The following ZNF479 variants were observed in gnomAD, a reference collection of about 807,000 sequenced individuals.
ZNF479 encodes the protein zinc finger protein 479.
Under a neutral mutation model 14.7 loss-of-function variants are expected in ZNF479, and 15 were observed. The observed-to-expected ratio is 1.02, with a 90% CI of 0.68 to 1.57. The LOEUF is 1.57. ZNF479 is among the 40% of genes most tolerant of loss of function. The pLI, the probability that ZNF479 is intolerant of heterozygous loss-of-function variation, is 0.00. For missense variants in ZNF479, 506 were observed against 615.1 expected (o/e 0.82, Z 1.88); for synonymous variants, 145 against 211.5 (o/e 0.69, Z 2.73).
upstream of ZNF479, among the ~76,000 whole-genome samples, chr7:57,133,125 C>A (rs1457820659): frequency 6.6e-6 from 1 of 152,024 alleles, no homozygotes; most frequent in Non-Finnish European, 1.5e-5. Context: ...CACAGAGAGA[C>A]TTCCTCTGAA....
rs782336026 is a variant in ZNF479, at chr7:57,119,879, C to G, written c.1536G>C (p.Lys512Asn). Residue 512 changes from lysine to asparagine, a missense_variant, in exon 4 of 4, where the codon AAG becomes AAC. Physicochemically the swap from Lys to Asn is moderately conservative, Grantham distance 94 (BLOSUM62 0). Around this residue, in one of 3 missense-constraint regions of ZNF479, gnomAD observed 72 missense variants for 97.6 expected, o/e 0.74. Transcript: ENST00000319636. ...FKWHSSLAKH[K>N]IIHTGEKPYK... ...AGGGTTTCTCTCCAGTGTGAATTATCTTATGTTTAGCAAGACTTGAATGCC... is the reference window on the plus strand; with the variant it reads ...AGGGTTTCTCTCCAGTGTGAATTATGTTATGTTTAGCAAGACTTGAATGCC... The G allele has an allele frequency of 2.5e-6, 4 of 1,613,472 alleles. No homozygotes were observed. The highest frequency in any genetic ancestry group is 3.4e-6 in the Non-Finnish European group (4 of 1,179,666).
Position 57,126,490 on chromosome 7 carries a change from T to C in ZNF479, c.166+102A>G, listed in dbSNP as rs1786172519. 4.5e-6 allele frequency: 5 copies of C among 1,101,628 alleles called. No homozygotes were observed. In the East Asian group the frequency reaches 7.2e-5, roughly 16 times the overall value. 68.2% of individuals were successfully genotyped at this position (1,101,628 alleles called of 1,614,324 possible). A position where few individuals can be genotyped will look rare whatever the true frequency, so the allele number is the denominator to read the frequency against. ...ATGAATCCCCAAGATTTTCTTAAAA[T>C]TGGAGATCTAAAATTCATTCATGCA... On this transcript the variant is annotated intron_variant, in intron 2 of 3. Transcript: ENST00000319636.
Position 57,119,314 on chromosome 7 carries a change from T to C in ZNF479, c.*526A>G, listed in dbSNP as rs1554399573. ...GCCTGAGATGTGCTTAAAGGTTTTG[T>C]CACTTTTTTTATGTTTCTAGGGTCT... is the stretch of plus-strand genomic sequence containing the variant. On this transcript the variant is annotated 3_prime_UTR_variant, in exon 4 of 4. Transcript: ENST00000319636. Among the ~76,000 whole-genome samples the C allele has an allele frequency of 1.3e-5, 2 of 152,210 alleles. No homozygotes were observed. Among genetic ancestry groups the C allele is most frequent in the African/African-American group, 4.8e-5 (2 of 41,452 alleles).
At position 57,119,036 on chromosome 7, in the gene ZNF479, G is replaced by A. The variant is rs1311846565; in HGVS notation, c.*804C>T. 7.2e-5 allele frequency among the ~76,000 whole-genome samples: 11 copies of A among 152,140 alleles called. No homozygotes were observed. The highest frequency in any genetic ancestry group is 1.3e-4 in the Non-Finnish European group (9 of 68,030). On this transcript the variant is annotated 3_prime_UTR_variant, in exon 4 of 4. Transcript: ENST00000319636. The stretch of plus-strand genomic sequence containing the variant: ...CAGTATAAAATTTTTTAGTGAGTAA[G>A]CATGGAGAACCAGTTAAAGGGTTTG...
At chr7:57,135,973 ATCTCTCTCTCTCTCTCTCTC>A (rs57853604), upstream of ZNF479, among the ~76,000 whole-genome samples, 4 of 125,318 alleles carry the variant, frequency 3.2e-5, no homozygotes, top group East Asian at 2.3e-4. Context: ...CTCTCTCTCA[ATCTCTCTCTCTCTCTCTCTC>A]TCTCTCTCTC....
intron 3 of ZNF479, among the ~76,000 whole-genome samples, chr7:57,124,069 G>A (rs1450977480): frequency 6.6e-6 from 1 of 152,030 alleles, no homozygotes; most frequent in Non-Finnish European, 1.5e-5. Flanking sequence ...AACCCACAGT[G>A]GTGAACAAAT....
chr7:57,120,982 C>G lies in ZNF479; in HGVS notation c.433G>C (p.Val145Leu). Residue 145 changes from valine (V) to leucine (L), a missense_variant, in exon 4 of 4, where the codon GTT (valine) becomes CTT (leucine). Val to Leu is a conservative substitution (Grantham distance 32). Coordinates refer to ENST00000319636, the MANE Select transcript of ZNF479 (RefSeq NM_001370129.2). ...TGGGTAGTTGACAAACATTGGTTAA[C>G]TTCACTATAACCTCCCTTGTGCACC... is the stretch of plus-strand genomic sequence containing the variant. ...YEVHKGGYSE[V>L]NQCLSTTQNK... 13 of 1,614,096 alleles carry G rather than the reference C, an allele frequency of 8.1e-6. No homozygotes were observed. Among genetic ancestry groups the G allele is most frequent in the Admixed American group, 1.7e-5 (1 of 59,994 alleles).
rs1404931725 is a variant in ZNF479 at position 57,120,265 on chromosome 7, C to T, written c.1150G>A (p.Glu384Lys). Residue 384 changes from glutamate (E) to lysine (K), a missense_variant, in exon 4 of 4, where the codon GAA (glutamate) becomes AAA (lysine). This residue lies in a region of ZNF479 where 420 missense variants were observed against 474.2 expected (regional missense o/e 0.89). Transcript: ENST00000319636. ...IHTGEKPYTC[E>K]ECGQDFRRSS... ...CGCCTAAAGTCTTGGCCACATTCTT[C>T]ACATGTGTAGGGTTTCTCTCCAGTA... 1.2e-6 allele frequency: 2 copies of T among 1,612,690 alleles called. No homozygotes were observed. Among genetic ancestry groups the T allele is most frequent in the Non-Finnish European group, 1.7e-6 (2 of 1,179,636 alleles).
rs1265087976 is a variant in ZNF479, at chr7:57,121,060, C to T, written c.355G>A (p.Gly119Arg). ...KVIPRTYGKC[G>R]HEKLQFKKCC... The stretch of plus-strand genomic sequence containing the variant: ...TTTTTAAATTGTAATTTCTCATGTC[C>T]ACATTTTCCATATGTTCTTGGTATT... The change falls in exon 4 of 4, where the codon GGA (glycine) becomes AGA (arginine). Residue 119 changes from glycine (G) to arginine (R), a missense_variant. Transcript: ENST00000319636. 2.5e-6 allele frequency: 4 copies of T among 1,613,772 alleles called. No individual in the cohort carries two copies. Among genetic ancestry groups the T allele is most frequent in the Non-Finnish European group, 3.4e-6 (4 of 1,179,890 alleles).
Position 57,120,326 on chromosome 7 carries a change from G to A in ZNF479, c.1089C>T (p.Ser363=), listed in dbSNP as rs1196084068. The A allele has an allele frequency of 6.2e-7, 1 of 1,609,626 alleles. No homozygotes were observed. Among genetic ancestry groups the A allele is most frequent in the South Asian group, 1.1e-5 (1 of 90,820 alleles). ...YACEECGQAF[S]LSSNLMRHRR... ...TATGTCTCATAAGGTTCGAGGATAA[G>A]CTAAAGGCTTGGCCACATTCTTCAC... The change falls in exon 4 of 4, where the codon AGC becomes AGT. Residue 363 remains serine (S), a synonymous_variant. Transcript: ENST00000319636.
At position 57,120,342 on chromosome 7, in the gene ZNF479, C is replaced by T. The variant is rs1785862196; in HGVS notation, c.1073G>A (p.Cys358Tyr). The change falls in exon 4 of 4, where the codon TGT (cysteine) becomes TAT (tyrosine). Residue 358 changes from cysteine to tyrosine, a missense_variant. Transcript: ENST00000319636. The stretch of plus-strand genomic sequence containing the variant: ...CGAGGATAAGCTAAAGGCTTGGCCA[C>T]ATTCTTCACAGGCATAGGGTTTCTC... ...TREKPYACEE[C>Y]GQAFSLSSNL... 1 of 1,612,426 alleles carries T rather than the reference C, an allele frequency of 6.2e-7. No homozygotes were observed. Among genetic ancestry groups the T allele is most frequent in the Non-Finnish European group, 8.5e-7 (1 of 1,178,972 alleles).
chr7:57,125,913 C>G (rs1296238361), intron 3 of ZNF479, 105 bp downstream of exon 3: 3 of 1,470,924 alleles, frequency 2.0e-6, no homozygotes, highest in Non-Finnish European at 2.8e-6. Context: ...CTCAGAAACT[C>G]TTTTCATCAA....
In ZNF479 at chr7:57,120,698, T is replaced by C; in HGVS notation, c.717A>G (p.Lys239=). ...TGCCACATTCCTCACATCTATATGG[T>C]TTCTCTCCAGTATGAATTATTTTAT... is the stretch of plus-strand genomic sequence containing the variant. ...TTHKIIHTGE[K]PYRCEECGKA... The change falls in exon 4 of 4, where the codon AAA becomes AAG. Residue 239 remains lysine (K), a synonymous_variant. Transcript: ENST00000319636. The C allele has an allele frequency of 2.5e-6, 4 of 1,613,098 alleles. No individual in the cohort carries two copies. The highest frequency in any genetic ancestry group is 3.4e-6 in the Non-Finnish European group (4 of 1,179,620).
At chr7:57,130,195 G>A (rs553897954) in intron 1 of ZNF479, among the ~76,000 whole-genome samples, 8 of 152,258 alleles carry the variant, frequency 5.3e-5, no homozygotes, top group Non-Finnish European at 8.8e-5. Flanking sequence ...AATGGGCCAC[G>A]CATGTGCTGT....
At chr7:57,132,685 G>A (rs1583947568), upstream of ZNF479, among the ~76,000 whole-genome samples, 3 of 152,142 alleles carry the variant, frequency 2.0e-5, no homozygotes, top group East Asian at 5.8e-4. Context: ...TTAACCTTGT[G>A]TATAATGTCA....
rs1442342836 is a variant in ZNF479, at chr7:57,132,219, A to T, written c.39+67T>A. The T allele has an allele frequency of 6.2e-6, 10 of 1,613,194 alleles. No homozygotes were observed. In the East Asian group the frequency reaches 2.2e-4, roughly 36 times the overall value. On this transcript the variant is annotated intron_variant, in intron 1 of 3. Coordinates refer to ENST00000319636, the MANE Select transcript of ZNF479 (RefSeq NM_001370129.2). ...ACTGCAAGAAAGTCTGGGACCTGCT[A>T]CAGCCACTTTCTGCCGGTTCCAATC... is the stretch of plus-strand genomic sequence containing the variant.
intron 1 of ZNF479, among the ~76,000 whole-genome samples, chr7:57,130,594 TAAAAAC>T (rs953534703): frequency 6.6e-6 from 1 of 151,896 alleles, no homozygotes; most frequent in African/African-American, 2.4e-5. Flanking sequence ...GAATAAAAAG[TAAAAAC>T]AAAAACAAAA....
At chr7:57,133,691 C>G (rs982730837), upstream of ZNF479, among the ~76,000 whole-genome samples, 1 of 152,110 alleles carries the variant, frequency 6.6e-6, no homozygotes, top group South Asian at 2.1e-4. Context: ...CATGATGAAA[C>G]CCCTGCTCTA....
intron 1 of ZNF479, among the ~76,000 whole-genome samples, chr7:57,127,964 C>T (rs1184660870): frequency 9.6e-5 from 14 of 146,356 alleles, no homozygotes; most frequent in African/African-American, 3.5e-4. Flanking sequence ...GAGACAGAGT[C>T]TCGCTGTGTC....
Sources: gnomAD v4.1 joint callset for allele counts (sites outside exome capture counted in the v4.1 genomes callset) on GRCh38, gnomAD v4.1.1 for gene constraint, gnomAD v4.1.1 regional missense constraint, MANE v1.5 for transcripts, NCBI Gene and HGNC (gene_info 2026-07-23, HGNC 2026-07-21) for gene names.